TNKS: variants seen among roughly 807,000 people sequenced by gnomAD.
The protein encoded by TNKS is poly [ADP-ribose] polymerase tankyrase-1.
Under a neutral mutation model 135.8 loss-of-function variants are expected in TNKS, and 72 were observed. That is an observed-to-expected ratio of 0.53 (90% CI 0.44 to 0.64). The LOEUF (loss-of-function observed/expected upper bound fraction) is 0.64. Among genes scored for constraint, TNKS ranks in the 30% least tolerant of loss-of-function variants. The pLI, the probability that TNKS is intolerant of heterozygous loss-of-function variation, is 0.00. For synonymous variants in TNKS, 849 were observed against 649.3 expected (o/e 1.31, Z -4.68); for missense variants, 1,769 against 1,674.0 (o/e 1.06, Z -0.99).
intron 1 of TNKS, among the ~76,000 whole-genome samples, chr8:9,572,577 C>T (rs562882484): frequency 5.3e-5 from 8 of 152,296 alleles, no homozygotes; most frequent in Admixed American, 1.3e-4. Context: ...ATAGCAGATA[C>T]GTTTTCTCCA....
chr8:9,657,772 C>CG (rs1801475689), intron 3 of TNKS, among the ~76,000 whole-genome samples: 1 of 141,036 alleles, frequency 7.1e-6, no homozygotes, highest in Non-Finnish European at 1.6e-5. Flanking sequence ...GCTGGCCGGG[C>CG]AGGGGGCTGA....
chr8:9,746,900 T>TTTTTTTTGG (rs1806264958), intron 17 of TNKS, among the ~76,000 whole-genome samples: 1 of 150,272 alleles, frequency 6.7e-6, no homozygotes, highest in African/African-American at 2.5e-5. Context: ...TTTTTTTTTT[T>TTTTTTTTGG]GAGACGGAGC....
chr8:9,667,623 C>G (rs1344638215), intron 3 of TNKS, among the ~76,000 whole-genome samples: 1 of 152,302 alleles, frequency 6.6e-6, no homozygotes, highest in East Asian at 1.9e-4. Flanking sequence ...CCTTCATAGT[C>G]TGTCATTGAT....
At chr8:9,613,292 T>C (rs1470445180) in intron 2 of TNKS, among the ~76,000 whole-genome samples, 2 of 152,212 alleles carry the variant, frequency 1.3e-5, no homozygotes, top group Non-Finnish European at 2.9e-5. Flanking sequence ...TTTTAACATG[T>C]GCTTTAAATA....
intron 3 of TNKS, among the ~76,000 whole-genome samples, chr8:9,637,677 C>T (rs1800564227): frequency 6.6e-6 from 1 of 152,056 alleles, no homozygotes; most frequent in South Asian, 2.1e-4. Context: ...CAAAATAAGT[C>T]TTCTTATTTT....
At chr8:9,769,563 C>T (rs937596397) in intron 25 of TNKS, among the ~76,000 whole-genome samples, 14 of 148,958 alleles carry the variant, frequency 9.4e-5, no homozygotes, top group African/African-American at 2.5e-4. Flanking sequence ...AGTTTTTTCT[C>T]TGGTTTTTTC....
chr8:9,661,262 G>A (rs1166314442), intron 3 of TNKS, among the ~76,000 whole-genome samples: 1 of 152,126 alleles, frequency 6.6e-6, no homozygotes, highest in Non-Finnish European at 1.5e-5. Context: ...TCAAAAAAGA[G>A]CCTGCATTGC....
chr8:9,736,300 T>C (rs1805700649), intron 17 of TNKS, among the ~76,000 whole-genome samples: 1 of 147,972 alleles, frequency 6.8e-6, no homozygotes, highest in African/African-American at 2.5e-5. Flanking sequence ...GGAAGATCGC[T>C]TGAGCCCAGG....
chr8:9,618,968 A>G (rs1213622986), intron 3 of TNKS, among the ~76,000 whole-genome samples: 1 of 152,220 alleles, frequency 6.6e-6, no homozygotes, highest in African/African-American at 2.4e-5. Flanking sequence ...ACCTGAGTTT[A>G]TAACAACTTC....
chr8:9,593,981 G>C (rs1279099198), intron 2 of TNKS, among the ~76,000 whole-genome samples: 1 of 152,038 alleles, frequency 6.6e-6, no homozygotes, highest in African/African-American at 2.4e-5. Context: ...TTGCCTCCTG[G>C]GTTCAAGCAA....
chr8:9,592,443 G>T (rs1563101344), intron 2 of TNKS, among the ~76,000 whole-genome samples: 1 of 152,122 alleles, frequency 6.6e-6, no homozygotes, highest in South Asian at 2.1e-4. Context: ...TCAAAGACTG[G>T]TCTTTATAGT....
intron 3 of TNKS, among the ~76,000 whole-genome samples, chr8:9,662,044 A>T (rs1334727795): frequency 1.3e-5 from 2 of 152,244 alleles, no homozygotes; most frequent in Non-Finnish European, 2.9e-5. Flanking sequence ...ATGAGATACC[A>T]TCTCACACAC....
intron 3 of TNKS, among the ~76,000 whole-genome samples, chr8:9,669,388 G>A (rs1316511520): frequency 1.4e-5 from 2 of 143,216 alleles, no homozygotes; most frequent in Non-Finnish European, 3.0e-5. Context: ...ACTGCAGTCC[G>A]CAGTCCGGCC....
At chr8:9,668,275 A>G (rs1396893616) in intron 3 of TNKS, among the ~76,000 whole-genome samples, 1 of 152,234 alleles carries the variant, frequency 6.6e-6, no homozygotes, top group African/African-American at 2.4e-5. Context: ...CAGAGAAATG[A>G]TGGTTCCTAA....
At chr8:9,717,101 A>ATATATATATATATATATATATATATATT (rs1454492300) in intron 11 of TNKS, among the ~76,000 whole-genome samples, 9 of 119,312 alleles carry the variant, frequency 7.5e-5, no homozygotes, top group East Asian at 4.8e-4. Flanking sequence ...ATATATATAT[A>ATATATATATATATATATATATATATATT]TTTTCAGGGA....
intron 12 of TNKS, among the ~76,000 whole-genome samples, chr8:9,725,126 G>T (rs905663552): frequency 1.3e-5 from 2 of 152,138 alleles, no homozygotes; most frequent in Non-Finnish European, 2.9e-5. Flanking sequence ...GGTAGTGTAT[G>T]TGCACACTTA....
chr8:9,590,969 T>C (rs950970809), intron 2 of TNKS, among the ~76,000 whole-genome samples: 3 of 152,236 alleles, frequency 2.0e-5, no homozygotes, highest in African/African-American at 7.2e-5. Flanking sequence ...GTATCTTATC[T>C]GAGAATCCAT....
intron 3 of TNKS, among the ~76,000 whole-genome samples, chr8:9,652,736 T>TATC (rs961846575): frequency 2.6e-5 from 4 of 152,214 alleles, no homozygotes; most frequent in Non-Finnish European, 2.9e-5. Context: ...ATCACATTAT[T>TATC]ATCATCATCA....
At chr8:9,681,981 T>C (rs1411419243) in intron 5 of TNKS, among the ~76,000 whole-genome samples, 1 of 152,172 alleles carries the variant, frequency 6.6e-6, no homozygotes, top group East Asian at 1.9e-4. Context: ...AAATTACACA[T>C]ATCAAGCCAT....
Sources: allele counts gnomAD v4.1 joint callset (sites outside exome capture counted in the v4.1 genomes callset), GRCh38; gene constraint gnomAD v4.1.1; transcripts MANE v1.5; gene names NCBI Gene and HGNC (gene_info 2026-07-23, HGNC 2026-07-21).